Variants in SGCD observed in about 807,000 individuals in gnomAD.
SGCD encodes the protein sarcoglycan delta.
Under a neutral mutation model 36.6 loss-of-function variants are expected in SGCD, and 18 were observed. The ratio of observed to expected loss-of-function variants is 0.49; its 90% CI spans 0.34 to 0.73. The LOEUF (loss-of-function observed/expected upper bound fraction) is 0.73, where lower values mean the gene tolerates loss of function less well. Among genes scored for constraint, SGCD ranks in the 30% least tolerant of loss-of-function variants. The pLI is 0.01. For missense variants in SGCD, 387 were observed against 346.7 expected (o/e 1.12, Z -0.92); for synonymous variants, 133 against 130.6 (o/e 1.02, Z -0.12).
At chr5:156,280,360 G>A (rs78685751) in intron 3 of SGCD, among the ~76,000 whole-genome samples, 16 of 152,262 alleles carry the variant, frequency 1.1e-4, no homozygotes, top group Non-Finnish European at 2.1e-4. Context: ...GCAAAACAAT[G>A]TACAATGAGA....
intron 3 of SGCD, among the ~76,000 whole-genome samples, chr5:156,401,356 A>G (rs2127762582): frequency 6.6e-6 from 1 of 152,328 alleles, no homozygotes; most frequent in African/African-American, 2.4e-5. Context: ...TCAGTGTTAC[A>G]ATAAACTTTT....
intron 1 of SGCD, among the ~76,000 whole-genome samples, chr5:155,931,526 G>C (rs1451127842): frequency 6.6e-6 from 1 of 152,054 alleles, no homozygotes; most frequent in Non-Finnish European, 1.5e-5. Flanking sequence ...ATTCAAAATT[G>C]TGGGGTTTTT....
At chr5:156,536,573 T>C (rs1340097672) in intron 4 of SGCD, among the ~76,000 whole-genome samples, 4 of 151,020 alleles carry the variant, frequency 2.6e-5, no homozygotes, top group Admixed American at 2.6e-4. Flanking sequence ...TCATCACTGA[T>C]CCTTTAAGCT....
intron 1 of SGCD, among the ~76,000 whole-genome samples, chr5:156,054,371 C>T (rs563328147): frequency 2.1e-5 from 3 of 141,974 alleles, no homozygotes; most frequent in South Asian, 2.2e-4. Flanking sequence ...CGGCAAGCTC[C>T]GCCTCCCGGG....
chr5:156,423,493 G>A (rs1773520846), intron 3 of SGCD, among the ~76,000 whole-genome samples: 1 of 122,658 alleles, frequency 8.2e-6, no homozygotes, highest in Admixed American at 9.5e-5. Flanking sequence ...TATTAAATTG[G>A]CAAAGGGTAC....
rs1230488511 is a variant in SGCD at position 156,617,706 on chromosome 5, G to A, written c.502+22655G>A. On this transcript the variant is annotated intron_variant, in intron 6 of 8. Coordinates refer to ENST00000337851, the MANE Select transcript of SGCD (RefSeq NM_000337.6). ...TGCCCCAAAGCAAATACTCAGCAAA[G>A]GTCGTTAACTAGAGCTTCACCCAAC... Among the ~76,000 whole-genome samples the A allele has an allele frequency of 8.5e-5, 13 of 152,260 alleles. No homozygotes were observed. The East Asian group carries it at 2.3e-3, about 27-fold the overall frequency.
At chr5:155,912,794 T>C (rs1256591891) in intron 1 of SGCD, among the ~76,000 whole-genome samples, 5 of 151,976 alleles carry the variant, frequency 3.3e-5, no homozygotes, top group Non-Finnish European at 7.4e-5. Flanking sequence ...TTTCTTAGCT[T>C]CTTTCCATCC....
intron 3 of SGCD, among the ~76,000 whole-genome samples, chr5:156,180,847 AG>A (rs35159937): frequency 0.29 from 44,601 of 151,960 alleles, 6,984 homozygotes; most frequent in East Asian, 0.57. Flanking sequence ...GGGAAGGCAA[AG>A]GGTAGAACTG....
At chr5:155,894,585 C>A (rs1376854358) in intron 1 of SGCD, among the ~76,000 whole-genome samples, 1 of 152,180 alleles carries the variant, frequency 6.6e-6, no homozygotes, top group Non-Finnish European at 1.5e-5. Flanking sequence ...CACTCCCCAT[C>A]ACTCTCTTGC....
At chr5:156,285,155 T>A (rs562306012) in intron 3 of SGCD, among the ~76,000 whole-genome samples, 3 of 152,268 alleles carry the variant, frequency 2.0e-5, no homozygotes, top group African/African-American at 7.2e-5. Flanking sequence ...TACAAACCAC[T>A]GCTCAATGAA....
chr5:156,285,313 G>GA (rs1264377684), intron 3 of SGCD, among the ~76,000 whole-genome samples: 1 of 151,994 alleles, frequency 6.6e-6, no homozygotes, highest in African/African-American at 2.4e-5. Context: ...CACAGAATTG[G>GA]AAAAAACTAC....
At chr5:156,493,072 T>C (rs1756018531) in intron 3 of SGCD, among the ~76,000 whole-genome samples, 1 of 152,170 alleles carries the variant, frequency 6.6e-6, no homozygotes, top group African/African-American at 2.4e-5. Flanking sequence ...CCTTTGGGTA[T>C]ATACCCAGTA....
chr5:156,302,329 A>G (rs186121280), intron 3 of SGCD, among the ~76,000 whole-genome samples: 1 of 151,794 alleles, frequency 6.6e-6, no homozygotes, highest in African/African-American at 2.4e-5. Flanking sequence ...CATCAATTGA[A>G]TTTTTCAGCT....
intron 7 of SGCD, among the ~76,000 whole-genome samples, chr5:156,702,993 G>C (rs1261988958): frequency 6.6e-6 from 1 of 152,220 alleles, no homozygotes; most frequent in Non-Finnish European, 1.5e-5. Flanking sequence ...TCTGGGTTCT[G>C]CTCCTATAAT....
chr5:156,667,221 A>T (rs368518749), intron 7 of SGCD, among the ~76,000 whole-genome samples: 1 of 152,204 alleles, frequency 6.6e-6, no homozygotes, highest in South Asian at 2.1e-4. Context: ...CTGTATAAAC[A>T]TATATATTGA....
intron 7 of SGCD, among the ~76,000 whole-genome samples, chr5:156,695,504 GATAGATGGATAGATA>G (rs1754277690): frequency 1.8e-5 from 2 of 108,574 alleles, no homozygotes; most frequent in Non-Finnish European, 3.4e-5. Context: ...TAGATAGATA[GATAGATGGATAGATA>G]GATAGATAGA....
At chr5:155,804,927 G>T in the SGCD span, among the ~76,000 whole-genome samples, 1 of 152,210 alleles carries the variant, frequency 6.6e-6, no homozygotes, top group Non-Finnish European at 1.5e-5. Context: ...TTAGAGTCTA[G>T]ATGCTGTGCT....
At chr5:156,602,813 C>A (rs941883018) in intron 6 of SGCD, among the ~76,000 whole-genome samples, 2 of 152,102 alleles carry the variant, frequency 1.3e-5, no homozygotes, top group Non-Finnish European at 2.9e-5. Flanking sequence ...AGTGAATAAT[C>A]TTTTTAATTT....
chr5:156,283,715 G>T (rs951680006), intron 3 of SGCD, among the ~76,000 whole-genome samples: 1 of 152,094 alleles, frequency 6.6e-6, no homozygotes, highest in African/African-American at 2.4e-5. Flanking sequence ...ACAAATTTCC[G>T]GACCCATTCC....
Sources: gnomAD v4.1 joint callset for allele counts (sites outside exome capture counted in the v4.1 genomes callset) on GRCh38, gnomAD v4.1.1 for gene constraint, MANE v1.5 for transcripts, NCBI Gene and HGNC (gene_info 2026-07-23, HGNC 2026-07-21) for gene names.